FGF12: variants seen among roughly 807,000 people sequenced by gnomAD.
FGF12 encodes the protein fibroblast growth factor 12B.
A neutral mutation model predicts 23.6 loss-of-function variants in FGF12; 14 were observed. The observed-to-expected ratio is 0.59, with a 90% CI of 0.39 to 0.93. The LOEUF (loss-of-function observed/expected upper bound fraction) is 0.93, where lower values mean the gene tolerates loss of function less well. FGF12 is among the 40% of genes least tolerant of loss of function. The probability of loss-of-function intolerance (pLI) is 0.00; values close to 1 mark genes in which losing one functional copy is unlikely to be tolerated. For missense variants in FGF12, 175 were observed against 217.8 expected (o/e 0.80, Z 1.24); for synonymous variants, 62 against 77.3 (o/e 0.80, Z 1.04).
chr3:192,221,513 C>T (rs556860373), intron 4 of FGF12, among the ~76,000 whole-genome samples: 36 of 152,252 alleles, frequency 2.4e-4, no homozygotes, highest in African/African-American at 8.4e-4. Context: ...CGTTAATAAA[C>T]ACCAGTGGTG....
chr3:192,431,722 C>T (rs1721865705), intron 2 of FGF12, among the ~76,000 whole-genome samples: 1 of 152,148 alleles, frequency 6.6e-6, no homozygotes, highest in South Asian at 2.1e-4. Context: ...TGTATCTAGA[C>T]TTAGACTTAT....
intron 2 of FGF12, among the ~76,000 whole-genome samples, chr3:192,437,612 A>T (rs1364793212): frequency 1.3e-5 from 2 of 151,894 alleles, no homozygotes; most frequent in Non-Finnish European, 2.9e-5. Flanking sequence ...AACTGCTTGA[A>T]CCCAGGAGGC....
intron 2 of FGF12, among the ~76,000 whole-genome samples, chr3:192,548,089 G>A (rs967984979): frequency 6.6e-6 from 1 of 152,094 alleles, no homozygotes; most frequent in African/African-American, 2.4e-5. Flanking sequence ...TTGCTTCTAA[G>A]TGAGTAAATA....
At chr3:192,705,272 A>G (rs1718431850) in intron 2 of FGF12, among the ~76,000 whole-genome samples, 1 of 151,992 alleles carries the variant, frequency 6.6e-6, no homozygotes, top group Non-Finnish European at 1.5e-5. Flanking sequence ...GAGACATGTG[A>G]CTCTTCCTTT....
chr3:192,544,539 C>A (rs1188262349), intron 2 of FGF12, among the ~76,000 whole-genome samples: 2 of 152,168 alleles, frequency 1.3e-5, no homozygotes, highest in African/African-American at 2.4e-5. Context: ...TAAATTATCT[C>A]ATCCTTCTGA....
At chr3:192,710,634 G>A (rs1228588328) in intron 2 of FGF12, among the ~76,000 whole-genome samples, 1 of 152,158 alleles carries the variant, frequency 6.6e-6, no homozygotes, top group African/African-American at 2.4e-5. Flanking sequence ...GGAGAAAAGG[G>A]TAAATTATGC....
chr3:192,349,389 CT>C (rs1718106030), intron 3 of FGF12, among the ~76,000 whole-genome samples: 1 of 151,988 alleles, frequency 6.6e-6, no homozygotes, highest in African/African-American at 2.4e-5. Flanking sequence ...TTTTAATACC[CT>C]TTTCCACTAC....
At chr3:192,433,663 C>G (rs1343344553) in intron 2 of FGF12, among the ~76,000 whole-genome samples, 1 of 152,146 alleles carries the variant, frequency 6.6e-6, no homozygotes, top group African/African-American at 2.4e-5. Flanking sequence ...TTCAGCTTTA[C>G]CACTCATTAT....
At chr3:192,166,274 G>A (rs557734082) in intron 5 of FGF12, among the ~76,000 whole-genome samples, 1 of 152,314 alleles carries the variant, frequency 6.6e-6, no homozygotes, top group African/African-American at 2.4e-5. Flanking sequence ...GGAGGCAGAA[G>A]AGAACCAACC....
rs1713475894 is a variant in FGF12 at position 192,142,857 on chromosome 3, A to G, written c.*1152T>C. The stretch of plus-strand genomic sequence containing the variant: ...ACAAATTAGCTACTGGCTTTGTAAG[A>G]TAGTAAGTTAGGAATTTCACAGTCA... On this transcript the variant is annotated 3_prime_UTR_variant, in exon 6 of 6. Coordinates refer to ENST00000445105, the MANE Select transcript of FGF12 (RefSeq NM_004113.6). 6.6e-6 allele frequency: 1 copy of G among 152,162 alleles called. No individual in the cohort carries two copies. The highest frequency in any genetic ancestry group is 1.5e-5 in the Non-Finnish European group (1 of 67,998). The allele number at this position is 152,162 out of a possible 1,614,324, so 9.4% of individuals were successfully genotyped here.
intron 5 of FGF12, among the ~76,000 whole-genome samples, chr3:192,146,432 G>A (rs1245355855): frequency 6.6e-6 from 1 of 151,972 alleles, no homozygotes; most frequent in Non-Finnish European, 1.5e-5. Context: ...CACCACGCCT[G>A]GCTAATTTTT....
intron 2 of FGF12, among the ~76,000 whole-genome samples, chr3:192,654,647 A>G (rs1225974467): frequency 2.0e-5 from 3 of 152,194 alleles, no homozygotes; most frequent in Admixed American, 2.0e-4. Flanking sequence ...TGATTGAGGA[A>G]AAGTGACAGA....
intron 5 of FGF12, among the ~76,000 whole-genome samples, chr3:192,158,803 T>C (rs1328807632): frequency 6.6e-6 from 1 of 151,846 alleles, no homozygotes; most frequent in East Asian, 1.9e-4. Context: ...GAGAATTAGA[T>C]GAGAAATGTT....
chr3:192,538,003 A>G lies in FGF12; in HGVS notation c.14-177465T>C, dbSNP rs191931307. The stretch of plus-strand genomic sequence containing the variant: ...CTCTTGCTCCCCAGGCTGGAGTGCA[A>G]TGGTGCGATCTCGGCTCACTGCAAC... On this transcript the variant is annotated intron_variant, in intron 2 of 5. Coordinates refer to ENST00000445105, the MANE Select transcript of FGF12 (RefSeq NM_004113.6). Among the ~76,000 whole-genome samples, 40 of 142,056 alleles carry G rather than the reference A, an allele frequency of 2.8e-4. No homozygotes were observed. The East Asian group carries it at 6.9e-3, about 25-fold the overall frequency. 93.2% of individuals were successfully genotyped at this position (142,056 alleles called of 152,430 possible). A position where few individuals can be genotyped will look rare whatever the true frequency, so the allele number is the denominator to read the frequency against.
chr3:192,438,754 A>G (rs559693772), intron 2 of FGF12, among the ~76,000 whole-genome samples: 4 of 152,218 alleles, frequency 2.6e-5, no homozygotes, highest in African/African-American at 7.2e-5. Context: ...GTAGGAGTGG[A>G]GTCTTTTGGT....
intron 3 of FGF12, among the ~76,000 whole-genome samples, chr3:192,345,348 A>G (rs1185156069): frequency 6.6e-6 from 1 of 152,194 alleles, no homozygotes; most frequent in Non-Finnish European, 1.5e-5. Context: ...TAAGCTGTGA[A>G]CCTAGATTCT....
intron 4 of FGF12, among the ~76,000 whole-genome samples, chr3:192,329,270 G>A (rs1164102540): frequency 6.6e-6 from 1 of 152,124 alleles, no homozygotes; most frequent in East Asian, 1.9e-4. Flanking sequence ...TGACATATCA[G>A]GTAAGATTTG....
intron 3 of FGF12, among the ~76,000 whole-genome samples, chr3:192,349,178 G>A (rs1417258509): frequency 6.6e-6 from 1 of 152,066 alleles, no homozygotes; most frequent in Non-Finnish European, 1.5e-5. Context: ...AAACTACACT[G>A]CAATTCATTA....
intron 4 of FGF12, among the ~76,000 whole-genome samples, chr3:192,305,939 C>A (rs980407109): frequency 7.2e-6 from 1 of 138,000 alleles, no homozygotes; most frequent in Non-Finnish European, 1.5e-5. Flanking sequence ...CAGCTCACTG[C>A]AAGCTCCACC....
Sources: allele counts gnomAD v4.1 joint callset (sites outside exome capture counted in the v4.1 genomes callset), GRCh38; gene constraint gnomAD v4.1.1; transcripts MANE v1.5; gene names NCBI Gene and HGNC (gene_info 2026-07-23, HGNC 2026-07-21).